Variants in LBH observed in about 807,000 individuals in gnomAD.
LBH encodes the protein LBH regulator of Wnt signaling pathway, also known as protein LBH.
LBH carries 7 observed loss-of-function variants against 12.5 expected under a neutral mutation model. That is an observed-to-expected ratio of 0.56 (90% CI 0.32 to 1.05). LBH has a LOEUF of 1.05. LBH is among the 50% of genes least tolerant of loss of function. The pLI is 0.04. For synonymous variants in LBH, 51 were observed against 50.1 expected (o/e 1.02, Z -0.08); for missense variants, 119 against 138.9 (o/e 0.86, Z 0.72).
chr2:30,250,444 C>T (rs569580370), intron 2 of LBH, among the ~76,000 whole-genome samples: 37 of 152,034 alleles, frequency 2.4e-4, no homozygotes, highest in East Asian at 7.8e-4. Context: ...TAGCATCTCT[C>T]GGCTCTTTGC....
intron 2 of LBH, among the ~76,000 whole-genome samples, chr2:30,245,412 G>A (rs13424193): frequency 0.01 from 1,542 of 152,254 alleles, 29 homozygotes; most frequent in African/African-American, 0.035. Flanking sequence ...ATTCCACTGG[G>A]GACTACACTA....
In LBH at chr2:30,233,781, G is replaced by A. The variant is rs567781062; in HGVS notation, c.27-624G>A. Among the ~76,000 whole-genome samples the A allele has an allele frequency of 5.3e-5, 8 of 152,348 alleles. No individual in the cohort carries two copies. In the East Asian group the frequency reaches 1.5e-3, roughly 29 times the overall value. On this transcript the variant is annotated intron_variant, in intron 1 of 2. Transcript: ENST00000395323. ...TTCAAGCTGTGAGCATGCAGCTGCT[G>A]TGTCTGGGGCTAGAGAAAGGGGATG...
intron 1 of LBH, chr2:30,232,096 C>T (rs1378152856): frequency 6.5e-7 from 1 of 1,535,804 alleles, no homozygotes; most frequent in African/African-American, 1.4e-5. Context: ...GCAGGAGGCG[C>T]GCGCCCCACT....
chr2:30,234,366 G>A lies in LBH; in HGVS notation c.27-39G>A, dbSNP rs201929818. On this transcript the variant is annotated intron_variant, in intron 1 of 2. Transcript: ENST00000395323. Reference sequence around the variant, plus strand: ...CATGAAGAGTTAGGAATGTGAAAGCGCGTGTGTTTGTTGACTTTTGGTCTG... The same window carrying A: ...CATGAAGAGTTAGGAATGTGAAAGCACGTGTGTTTGTTGACTTTTGGTCTG... The A allele has an allele frequency of 2.2e-4, 319 of 1,468,802 alleles. 2 individuals carry two copies. The highest frequency in any genetic ancestry group is 2.2e-3 in the South Asian group (190 of 88,184). 91.0% of individuals were successfully genotyped at this position (1,468,802 alleles called of 1,614,324 possible).
At chr2:30,233,708 T>C (rs1167551610) in intron 1 of LBH, among the ~76,000 whole-genome samples, 2 of 152,254 alleles carry the variant, frequency 1.3e-5, no homozygotes, top group Non-Finnish European at 2.9e-5. Flanking sequence ...AAATTTCCTT[T>C]GCAGTCAGAG....
intron 2 of LBH, among the ~76,000 whole-genome samples, chr2:30,251,073 G>C (rs77880548): frequency 3.3e-5 from 1 of 30,540 alleles, no homozygotes; most frequent in East Asian, 7.3e-4. Context: ...TTTTTTTTTT[G>C]AGAAAGGGTC....
At chr2:30,241,193 T>C (rs1323508148) in intron 2 of LBH, among the ~76,000 whole-genome samples, 1 of 152,192 alleles carries the variant, frequency 6.6e-6, no homozygotes, top group Non-Finnish European at 1.5e-5. Flanking sequence ...CAGCCACTTA[T>C]CCCCATGGAC....
At chr2:30,240,097 C>T (rs573798790) in intron 2 of LBH, among the ~76,000 whole-genome samples, 3 of 152,328 alleles carry the variant, frequency 2.0e-5, no homozygotes, top group African/African-American at 4.8e-5. Context: ...CTCTGCTGAG[C>T]CAGGGGCTGT....
At chr2:30,251,771 A>G (rs1052104456) in intron 2 of LBH, among the ~76,000 whole-genome samples, 1 of 152,138 alleles carries the variant, frequency 6.6e-6, no homozygotes, top group Non-Finnish European at 1.5e-5. Flanking sequence ...ATAAACATCA[A>G]TTTAATGTAA....
chr2:30,233,936 C>T (rs1677636349), intron 1 of LBH, among the ~76,000 whole-genome samples: 1 of 152,092 alleles, frequency 6.6e-6, no homozygotes, highest in Admixed American at 6.5e-5. Context: ...CTCCAGTTGA[C>T]CTGTTATTGT....
chr2:30,234,603 A>G (rs1042790345), intron 2 of LBH, 96 bp downstream of exon 2: 20 of 814,934 alleles, frequency 2.5e-5, no homozygotes, highest in Non-Finnish European at 3.3e-5. Flanking sequence ...TGCCACATAT[A>G]AGAGCTGTGG....
chr2:30,232,716 A>G (rs1677615223), intron 1 of LBH: 2 of 152,648 alleles, frequency 1.3e-5, no homozygotes, highest in African/African-American at 4.8e-5. Flanking sequence ...TTCTCGCTTC[A>G]ACTTTTCGGG....
chr2:30,257,894 G>C lies in LBH; in HGVS notation c.*273G>C, dbSNP rs2279998. 0.054 allele frequency: 15,715 copies of C among 291,530 alleles called. 612 individuals carry two copies. Among genetic ancestry groups the C allele is most frequent in the Middle Eastern group, 0.1 (100 of 998 alleles). The allele number at this position is 291,530 out of a possible 1,614,324, so 18.1% of individuals were successfully genotyped here. ...GAGCCAGGGGGTTAGTGGGTGAGGGGAGCGAGTGCTGTTTTTGAGATCATT... is the reference window on the plus strand; with the variant it reads ...GAGCCAGGGGGTTAGTGGGTGAGGGCAGCGAGTGCTGTTTTTGAGATCATT... On this transcript the variant is annotated 3_prime_UTR_variant, in exon 3 of 3. Transcript: ENST00000395323.
chr2:30,246,044 C>T (rs1043063813), intron 2 of LBH, among the ~76,000 whole-genome samples: 14 of 151,992 alleles, frequency 9.2e-5, no homozygotes, highest in Admixed American at 9.2e-4. Flanking sequence ...CTGCAACCTC[C>T]GCCTTCCGGG....
In LBH at chr2:30,231,663, C is replaced by T. The variant is rs1677586699; in HGVS notation, c.-76C>T. Reference sequence around the variant, plus strand: ...CGGCCGCCTGCCGTGCCCGTCTGCGCCCGTGTCATCCTCACTCGGGACGCA... The same window carrying T: ...CGGCCGCCTGCCGTGCCCGTCTGCGTCCGTGTCATCCTCACTCGGGACGCA... On this transcript the variant is annotated 5_prime_UTR_variant, in exon 1 of 3. Transcript: ENST00000395323. 6.2e-6 allele frequency: 9 copies of T among 1,454,930 alleles called. No homozygotes were observed. Among genetic ancestry groups the T allele is most frequent in the Non-Finnish European group, 8.6e-6 (9 of 1,046,074 alleles). 90.1% of individuals were successfully genotyped at this position (1,454,930 alleles called of 1,614,324 possible).
At chr2:30,252,157 ATCATGGGGGCGGTTACTC>A (rs1677990993) in intron 2 of LBH, among the ~76,000 whole-genome samples, 2 of 152,136 alleles carry the variant, frequency 1.3e-5, no homozygotes, top group Non-Finnish European at 2.9e-5. Context: ...AGGTAATTGA[ATCATGGGGGCGGTTACTC>A]TCATGCCATT....
chr2:30,247,175 A>G (rs1481601188), intron 2 of LBH, among the ~76,000 whole-genome samples: 1 of 152,174 alleles, frequency 6.6e-6, no homozygotes, highest in Non-Finnish European at 1.5e-5. Flanking sequence ...ACATCTTATC[A>G]ATGACCTTTT....
intron 2 of LBH, among the ~76,000 whole-genome samples, chr2:30,248,188 T>G (rs1677909363): frequency 6.6e-6 from 1 of 152,218 alleles, no homozygotes. Context: ...GCTGCAGTTG[T>G]GATCAACTAA....
rs367954684 is a variant in LBH at position 30,238,885 on chromosome 2, CTTTTTTTTTTTTTT to C, written c.129+4387_129+4400del. Among the ~76,000 whole-genome samples, 71 of 98,052 alleles carry C rather than the reference CTTTTTTTTTTTTTT, an allele frequency of 7.2e-4. 1 individual carries two copies. Among genetic ancestry groups the C allele is most frequent in the African/African-American group, 2.8e-3 (71 of 25,372 alleles). The allele number at this position is 98,052 out of a possible 152,430, so 64.3% of individuals were successfully genotyped here. ...CTTCTTTCTCTCACTCCTCCCCACT[CTTTTTTTTTTTTTT>C]TTTTTTTTGAGATGAAGTCTCGCTG... is the stretch of plus-strand genomic sequence containing the variant. On this transcript the variant is annotated intron_variant, in intron 2 of 2. Coordinates refer to ENST00000395323, the MANE Select transcript of LBH (RefSeq NM_030915.4).
Sources: allele counts gnomAD v4.1 joint callset (sites outside exome capture counted in the v4.1 genomes callset), GRCh38; gene constraint gnomAD v4.1.1; transcripts MANE v1.5; gene names NCBI Gene and HGNC (gene_info 2026-07-23, HGNC 2026-07-21).